ANKHD1: variants seen among roughly 807,000 people sequenced by gnomAD.
The protein encoded by ANKHD1 is ankyrin repeat and KH domain-containing protein 1.
In ANKHD1, 31 loss-of-function variants were observed where a neutral mutation model predicts 230.5. That is an observed-to-expected ratio of 0.13 (90% confidence interval 0.10 to 0.18). ANKHD1 has a LOEUF of 0.18. ANKHD1 is among the 10% of genes least tolerant of loss of function. The pLI is 1.00. For missense variants in ANKHD1, 2,256 were observed against 3,071.3 expected, an observed-to-expected ratio of 0.73 and a Z score of 6.27; for synonymous variants, 1,074 against 1,117.6, an observed-to-expected ratio of 0.96 and a Z score of 0.78.
At position 140,528,406 on chromosome 5, in the gene ANKHD1, A is replaced by G; in HGVS notation, c.5460A>G (p.Thr1820=). 1 of 1,614,194 alleles carries G rather than the reference A, an allele frequency of 6.2e-7. No homozygotes were observed. The highest frequency in any genetic ancestry group is 8.5e-7 in the Non-Finnish European group (1 of 1,180,040). ...GAPTLVTSQA[T]TLSTFQPANK... is the part of the protein sequence containing the mutation. ...CAACTCTTGTAACTTCACAGGCAACAACGTTATCTACGTTCCAGCCCGCTA... is the reference window on the plus strand; with the variant it reads ...CAACTCTTGTAACTTCACAGGCAACGACGTTATCTACGTTCCAGCCCGCTA... The change falls in exon 29 of 34, where the codon ACA becomes ACG. Residue 1820 remains threonine (T), a synonymous_variant. Coordinates refer to ENST00000360839, the MANE Select transcript of ANKHD1 (RefSeq NM_017747.3).
intron 10 of ANKHD1, among the ~76,000 whole-genome samples, 162 bp from the exon 11 acceptor site, chr5:140,482,418 T>C (rs993481805): frequency 3.3e-5 from 5 of 152,220 alleles, no homozygotes; most frequent in Admixed American, 3.3e-4. Context: ...TACTTTGGAC[T>C]GAAAATCCTG....
chr5:140,409,988 T>C (rs929803222), intron 1 of ANKHD1, among the ~76,000 whole-genome samples: 5 of 152,148 alleles, frequency 3.3e-5, no homozygotes, highest in African/African-American at 7.2e-5. Flanking sequence ...TTGATTAGTA[T>C]GGGTGGAGGA....
chr5:140,458,496 C>T, intron 7 of ANKHD1, 129 bp from the exon 8 acceptor site: 1 of 894,890 alleles, frequency 1.1e-6, no homozygotes, highest in Middle Eastern at 3.5e-4. Context: ...TATATGCTGT[C>T]TATGCTGAAT....
At chr5:140,510,963 C>T (rs1490531075) in intron 22 of ANKHD1, among the ~76,000 whole-genome samples, 3 of 152,134 alleles carry the variant, frequency 2.0e-5, no homozygotes, top group African/African-American at 7.2e-5. Context: ...GCTGGGACCA[C>T]AGGTGTCACT....
At chr5:140,413,803 T>C (rs1056004924) in intron 1 of ANKHD1, among the ~76,000 whole-genome samples, 2 of 152,020 alleles carry the variant, frequency 1.3e-5, no homozygotes, top group South Asian at 2.1e-4. Context: ...TTTTTGGAGA[T>C]GGAGTCTTGC....
intron 1 of ANKHD1, among the ~76,000 whole-genome samples, chr5:140,428,893 G>A (rs759818651): frequency 1.5e-4 from 23 of 151,454 alleles, no homozygotes; most frequent in East Asian, 7.7e-4. Flanking sequence ...AGCGATTCTC[G>A]TGTGTCAGCC....
chr5:140,502,709 G>A (rs2127047336), intron 15 of ANKHD1, among the ~76,000 whole-genome samples: 1 of 151,720 alleles, frequency 6.6e-6, no homozygotes. Context: ...TTTTGAGGAG[G>A]TGTAACAAAA....
At chr5:140,525,032 T>C in intron 25 of ANKHD1, 1 of 205,942 alleles carries the variant, frequency 4.9e-6, no homozygotes, top group South Asian at 5.5e-5. Context: ...GGCAGGAGAA[T>C]TGCTTGAACC....
chr5:140,505,646 A>G lies in ANKHD1; in HGVS notation c.3263-78A>G, dbSNP rs139764794. ...CCTGAAGGATTTATTTTGCTAAAATACTAGAGAATTGTAAACAGTGGCTTT... is the reference window on the plus strand; with the variant it reads ...CCTGAAGGATTTATTTTGCTAAAATGCTAGAGAATTGTAAACAGTGGCTTT... On this transcript the variant is annotated intron_variant, in intron 17 of 33. Transcript: ENST00000360839. 70 of 1,506,674 alleles carry G rather than the reference A, an allele frequency of 4.6e-5. No homozygotes were observed. In the African/African-American group the frequency reaches 8.3e-4, roughly 18 times the overall value. The allele number at this position is 1,506,674 out of a possible 1,614,324, so 93.3% of individuals were successfully genotyped here.
intron 1 of ANKHD1, among the ~76,000 whole-genome samples, chr5:140,412,295 G>T (rs1770999418): frequency 6.6e-6 from 1 of 152,008 alleles, no homozygotes; most frequent in African/African-American, 2.4e-5. Context: ...CTCCCAAAGT[G>T]CTGCGATTAC....
chr5:140,507,966 G>C lies in ANKHD1; in HGVS notation c.3733G>C (p.Asp1245His). 6 of 1,613,880 alleles carry C rather than the reference G, an allele frequency of 3.7e-6. No homozygotes were observed. Among genetic ancestry groups the C allele is most frequent in the Non-Finnish European group, 5.1e-6 (6 of 1,179,854 alleles). The stretch of plus-strand genomic sequence containing the variant: ...AGCAGAAGTAGTGAGTTTGCTTCTG[G>C]ACCGAAAAGCCAATGTTGAACATAG... ...GRAEVVSLLL[D>H]RKANVEHRAK... Residue 1245 changes from aspartate (D) to histidine (H), a missense_variant, in exon 20 of 34, where the codon GAC becomes CAC. Transcript: ENST00000360839. This position sits in a 1 kb window ranked among gnomAD's most constrained non-coding sequence, Gnocchi z 4.1.
chr5:140,412,689 T>G (rs1404301829), intron 1 of ANKHD1, among the ~76,000 whole-genome samples: 13 of 152,244 alleles, frequency 8.5e-5, no homozygotes, highest in Non-Finnish European at 1.3e-4. Flanking sequence ...AATATTTGTT[T>G]TACAATATTG....
intron 1 of ANKHD1, among the ~76,000 whole-genome samples, chr5:140,402,850 G>A (rs1219556735): frequency 2.6e-5 from 4 of 151,852 alleles, no homozygotes; most frequent in African/African-American, 9.7e-5. Context: ...GACCTTTTGT[G>A]AAGTTAGACA....
At chr5:140,417,197 G>A (rs765947517) in intron 1 of ANKHD1, among the ~76,000 whole-genome samples, 7 of 151,686 alleles carry the variant, frequency 4.6e-5, no homozygotes, top group East Asian at 3.9e-4. Flanking sequence ...AGGATATGTC[G>A]TATATTGATT....
chr5:140,501,857 T>TA (rs1434491757), intron 15 of ANKHD1, among the ~76,000 whole-genome samples: 3 of 152,138 alleles, frequency 2.0e-5, no homozygotes, highest in Non-Finnish European at 4.4e-5. Flanking sequence ...TTCAACTTCA[T>TA]AAAAAGTCAA....
intron 1 of ANKHD1, among the ~76,000 whole-genome samples, chr5:140,415,404 T>A (rs1771283406): frequency 6.6e-6 from 1 of 151,166 alleles, no homozygotes; most frequent in Non-Finnish European, 1.5e-5. Context: ...AAGAGTTTTA[T>A]AGTCTAAGCT....
intron 10 of ANKHD1, among the ~76,000 whole-genome samples, chr5:140,470,837 G>C (rs1776441813): frequency 6.6e-6 from 1 of 151,716 alleles, no homozygotes; most frequent in Non-Finnish European, 1.5e-5. Flanking sequence ...ATGTTGCCCA[G>C]GCTAGTCCTG....
At chr5:140,477,837 C>A (rs1193784489) in intron 10 of ANKHD1, among the ~76,000 whole-genome samples, 1 of 152,086 alleles carries the variant, frequency 6.6e-6, no homozygotes, top group Non-Finnish European at 1.5e-5. Flanking sequence ...GTCTTGAACT[C>A]GTGACCTTGT....
intron 5 of ANKHD1, among the ~76,000 whole-genome samples, chr5:140,441,597 G>A (rs1409368163): frequency 1.3e-5 from 2 of 151,960 alleles, no homozygotes; most frequent in Non-Finnish European, 2.9e-5. Flanking sequence ...TAAGACATTG[G>A]TTACCGGGTC....
Sources: gnomAD v4.1 joint callset for allele counts (sites outside exome capture counted in the v4.1 genomes callset) on GRCh38, gnomAD v4.1.1 for gene constraint, Gnocchi (gnomAD v3.1) non-coding constraint, MANE v1.5 for transcripts, NCBI Gene and HGNC (gene_info 2026-07-23, HGNC 2026-07-21) for gene names.